CLU: variants seen among roughly 807,000 people sequenced by gnomAD.
The protein encoded by CLU is clusterin.
CLU carries 25 observed loss-of-function variants against 46.4 expected under a neutral mutation model. That is an observed-to-expected ratio of 0.54 (90% confidence interval 0.39 to 0.75). The LOEUF is 0.75. CLU is among the 30% of genes least tolerant of loss of function. CLU has a pLI of 0.00. For missense variants in CLU, 504 were observed against 592.1 expected (o/e 0.85, Z 1.54); for synonymous variants, 235 against 235.1 (o/e 1.00, Z 0.00).
chr8:27,610,735 T>G (rs1409491745), intron 1 of CLU, 135 bp from the exon 2 acceptor site: 2 of 682,938 alleles, frequency 2.9e-6, no homozygotes, highest in Non-Finnish European at 5.2e-6. Flanking sequence ...GCACTTTTAT[T>G]CCTGAGGAAA....
Position 27,599,584 on chromosome 8 carries a change from CCT to C in CLU, c.1164+194_1164+195del, listed in dbSNP as rs779218437. On this transcript the variant is annotated intron_variant, in intron 7 of 8. Transcript: ENST00000316403. The surrounding 1 kb of genome is among the most constrained non-coding windows in gnomAD (Gnocchi z 4.0). ...ATCACACCTTGGCCAAGCTGTGGAA[CCT>C]CTCTTACTTTGCTCCTTTGTAAAGC... The C allele has an allele frequency of 1.7e-6, 1 of 584,416 alleles. No homozygotes were observed. The highest frequency in any genetic ancestry group is 3.1e-6 in the Non-Finnish European group (1 of 326,788). 36.2% of individuals were successfully genotyped at this position (584,416 alleles called of 1,614,324 possible). A position where few individuals can be genotyped will look rare whatever the true frequency, so the allele number is the denominator to read the frequency against.
chr8:27,613,528 T>A (rs1800965760), intron 1 of CLU: 2 of 152,178 alleles, frequency 1.3e-5, no homozygotes, highest in Non-Finnish European at 2.9e-5. Context: ...CCTATCTGCT[T>A]CTTCAAATGG....
rs1170008221 is a variant in CLU, at chr8:27,610,496, C to T, written c.76G>A (p.Val26Ile). ...TCACCCTGGAGCTCATTGTCTGAGA[C>T]CGTCTGGTCCCCCAGGACCTGCCCA... is the stretch of plus-strand genomic sequence containing the variant. ...ESGQVLGDQT[V>I]SDNELQEMSN... The change falls in exon 2 of 9, where the codon GTC (valine) becomes ATC (isoleucine). Residue 26 changes from valine (V) to isoleucine (I), a missense_variant. Val to Ile is a conservative substitution (Grantham distance 29). This residue lies in a region of CLU where 73 missense variants were observed against 91.2 expected (regional missense o/e 0.80). Coordinates refer to ENST00000316403, the MANE Select transcript of CLU (RefSeq NM_001831.4). The T allele has an allele frequency of 3.1e-6, 5 of 1,614,048 alleles. No homozygotes were observed. The Admixed American group carries it at 8.3e-5, about 27-fold the overall frequency.
chr8:27,604,262 G>T (rs1800772939), intron 6 of CLU, 29 bp downstream of exon 6: 1 of 1,574,658 alleles, frequency 6.4e-7, no homozygotes, highest in Non-Finnish European at 8.7e-7. Context: ...GATCAGGGGG[G>T]ACGGCTTGTG....
At chr8:27,609,512 A>G (rs541573475) in intron 2 of CLU, among the ~76,000 whole-genome samples, 16 of 152,342 alleles carry the variant, frequency 1.1e-4, no homozygotes, top group Admixed American at 3.3e-4. Flanking sequence ...CTTTGTTCCA[A>G]TGCAGTGCCA....
intron 8 of CLU, 25 bp from the exon 9 acceptor site, chr8:27,598,275 CA>C: frequency 6.2e-7 from 1 of 1,613,436 alleles, no homozygotes; most frequent in Non-Finnish European, 8.5e-7. Flanking sequence ...AGTTATCCTC[CA>C]AAGTAAAACA....
chr8:27,604,725 C>T (rs979099361), intron 5 of CLU, among the ~76,000 whole-genome samples, 199 bp downstream of exon 5: 10 of 152,282 alleles, frequency 6.6e-5, no homozygotes, highest in South Asian at 6.2e-4. Context: ...ATGATCCTCC[C>T]GCCTTGGCCT....
At chr8:27,608,719 C>T in intron 3 of CLU, 1 of 618,446 alleles carries the variant, frequency 1.6e-6, no homozygotes, top group South Asian at 1.9e-5. Context: ...AGGCCCTGGG[C>T]CAGGCTCATA....
rs75016658 is a variant in CLU, at chr8:27,598,324, T to A, written c.1341-74A>T. ...AAAATAAAATTCCCCCGTAACTTCC[T>A]GGCTTTGTTCTTGGGCTCTGGCTCC... On this transcript the variant is annotated intron_variant, in intron 8 of 8. Coordinates refer to ENST00000316403, the MANE Select transcript of CLU (RefSeq NM_001831.4). 1,552 of 1,602,220 alleles carry A rather than the reference T, an allele frequency of 9.7e-4. 13 individuals carry two copies. In the African/African-American group the frequency reaches 0.018, roughly 19 times the overall value.
chr8:27,609,214 G>A, intron 2 of CLU, 128 bp from the exon 3 acceptor site: 1 of 996,138 alleles, frequency 1.0e-6, no homozygotes. Flanking sequence ...CCCCACTCCT[G>A]CCAGCAGGCA....
intron 1 of CLU, chr8:27,610,905 A>G: frequency 5.0e-6 from 2 of 396,514 alleles, no homozygotes; most frequent in South Asian, 2.1e-5. Context: ...CCTCCCCGAC[A>G]ATCAGCGAGG....
rs918834557 is a variant in CLU at position 27,597,065 on chromosome 8, A to G, written c.*1176T>C. The G allele has an allele frequency of 2.4e-5, 11 of 454,040 alleles. No homozygotes were observed. The highest frequency in any genetic ancestry group is 4.4e-5 in the Non-Finnish European group (10 of 226,808). 28.1% of individuals were successfully genotyped at this position (454,040 alleles called of 1,614,324 possible). ...TGACTTTACTCTGAATTTCCTTGAC[A>G]GCCATGCTAAAATACTTACCTTGGA... On this transcript the variant is annotated 3_prime_UTR_variant, in exon 9 of 9. Transcript: ENST00000316403.
rs1800904233 is a variant in CLU at position 27,610,507 on chromosome 8, C to T, written c.65G>A (p.Gly22Glu). Residue 22 changes from glycine to glutamate, a missense_variant, in exon 2 of 9, where the codon GGG (glycine) becomes GAG (glutamate). By Grantham distance (98) the Gly-to-Glu change is moderately conservative (BLOSUM62 -2). Transcript: ENST00000316403. ...LLTWESGQVL[G>E]DQTVSDNELQ... ...CTCATTGTCTGAGACCGTCTGGTCC[C>T]CCAGGACCTGCCCACTCTCCCAGGT... The T allele has an allele frequency of 6.2e-7, 1 of 1,614,098 alleles. No homozygotes were observed. The highest frequency in any genetic ancestry group is 8.5e-7 in the Non-Finnish European group (1 of 1,180,022).
At position 27,599,789 on chromosome 8, in the gene CLU, C is replaced by G. The variant is rs1800683861; in HGVS notation, c.1155G>C (p.Arg385=). 1.9e-6 allele frequency: 3 copies of G among 1,609,396 alleles called. No individual in the cohort carries two copies. Among genetic ancestry groups the G allele is most frequent in the Non-Finnish European group, 2.5e-6 (3 of 1,177,684 alleles). Reference sequence around the variant, plus strand: ...CCGGGACACAGCTCACCGTGGTGACCCGCAGATAGTACTGGTCTTCGCCTT... The same window carrying G: ...CCGGGACACAGCTCACCGTGGTGACGCGCAGATAGTACTGGTCTTCGCCTT... ...LTQGEDQYYL[R]VTTVASHTSD... is the part of the protein sequence containing the mutation. The change falls in exon 7 of 9, where the codon CGG becomes CGC. Residue 385 remains arginine, a synonymous_variant. Coordinates refer to ENST00000316403, the MANE Select transcript of CLU (RefSeq NM_001831.4). This position sits in a 1 kb window ranked among gnomAD's most constrained non-coding sequence, Gnocchi z 4.0.
intron 1 of CLU, among the ~76,000 whole-genome samples, chr8:27,613,388 G>GA (rs11467299): frequency 3.3e-4 from 40 of 120,146 alleles, no homozygotes; most frequent in Non-Finnish European, 4.4e-4. Flanking sequence ...TTGGTCTCAG[G>GA]AAAAAAAAAA....
In CLU at chr8:27,598,191, G is replaced by C; in HGVS notation, c.*50C>G. 6.2e-7 allele frequency: 1 copy of C among 1,605,340 alleles called. No homozygotes were observed. Among genetic ancestry groups the C allele is most frequent in the South Asian group, 1.1e-5 (1 of 90,620 alleles). ...TCTGGGGGGCTGCAGCTCATCTTGG[G>C]GGGAGCTGGACTCAGATGCCCCCGT... is the stretch of plus-strand genomic sequence containing the variant. On this transcript the variant is annotated 3_prime_UTR_variant, in exon 9 of 9. Coordinates refer to ENST00000316403, the MANE Select transcript of CLU (RefSeq NM_001831.4).
Position 27,599,481 on chromosome 8 carries a change from C to T in CLU, c.1164+299G>A, listed in dbSNP as rs1800677286. The T allele has an allele frequency of 2.4e-6, 1 of 410,868 alleles. No individual in the cohort carries two copies. Among genetic ancestry groups the T allele is most frequent in the Admixed American group, 3.8e-5 (1 of 26,584 alleles). 25.5% of individuals were successfully genotyped at this position (410,868 alleles called of 1,614,324 possible). On this transcript the variant is annotated intron_variant, in intron 7 of 8. Transcript: ENST00000316403. The surrounding 1 kb of genome is among the most constrained non-coding windows in gnomAD (Gnocchi z 4.0). ...TTATTCACAGATTTGTGCACCAAAA[C>T]AAAAACAACAACAACAAAATACAGG...
intron 1 of CLU, 85 bp from the exon 2 acceptor site, chr8:27,610,685 G>T: frequency 1.0e-6 from 1 of 995,620 alleles, no homozygotes; most frequent in Non-Finnish European, 1.6e-6. Context: ...AGCTCCCCAG[G>T]GCCTCACTGC....
Position 27,597,647 on chromosome 8 carries a change from T to TA in CLU, c.*593dup, listed in dbSNP as rs1462013194. On this transcript the variant is annotated 3_prime_UTR_variant, in exon 9 of 9. Coordinates refer to ENST00000316403, the MANE Select transcript of CLU (RefSeq NM_001831.4). ...CCTTACACTTACTGATTCTTCTCCT[T>TA]AACTTTCAGTGTATTCCTTTAGGAG... 1 of 454,048 alleles carries TA rather than the reference T, an allele frequency of 2.2e-6. No homozygotes were observed. The highest frequency in any genetic ancestry group is 2.0e-5 in the African/African-American group (1 of 50,008). 28.1% of individuals were successfully genotyped at this position (454,048 alleles called of 1,614,324 possible). A position where few individuals can be genotyped will look rare whatever the true frequency, so the allele number is the denominator to read the frequency against.
Sources: gnomAD v4.1 joint callset for allele counts (sites outside exome capture counted in the v4.1 genomes callset) on GRCh38, gnomAD v4.1.1 for gene constraint, gnomAD v4.1.1 regional missense constraint, Gnocchi (gnomAD v3.1) non-coding constraint, MANE v1.5 for transcripts, NCBI Gene and HGNC (gene_info 2026-07-23, HGNC 2026-07-21) for gene names.